CELSR1: variants seen among roughly 807,000 people sequenced by gnomAD.
The protein encoded by CELSR1 is adhesion G protein-coupled receptor C1.
Under a neutral mutation model 249.1 loss-of-function variants are expected in CELSR1, and 110 were observed. The observed-to-expected ratio is 0.44, with a 90% CI of 0.38 to 0.52. The LOEUF (loss-of-function observed/expected upper bound fraction) is 0.52, where lower values mean the gene tolerates loss of function less well. Among genes scored for constraint, CELSR1 ranks in the 20% least tolerant of loss-of-function variants. The pLI is 0.00. For missense variants in CELSR1, 4,109 were observed against 4,296.4 expected (o/e 0.96, Z 1.22); for synonymous variants, 2,113 against 1,900.0 (o/e 1.11, Z -2.92).
chr22:46,533,267 C>G (rs765638521), intron 1 of CELSR1, among the ~76,000 whole-genome samples: 6 of 152,146 alleles, frequency 3.9e-5, no homozygotes, highest in Admixed American at 6.5e-5. Flanking sequence ...GGCTGGCTGA[C>G]GAAAGAGCAT....
chr22:46,450,438 T>C (rs1034121225), intron 2 of CELSR1, among the ~76,000 whole-genome samples: 2 of 152,230 alleles, frequency 1.3e-5, no homozygotes, highest in African/African-American at 2.4e-5. Context: ...ACATGAGCAC[T>C]TTCACAGCAA....
At chr22:46,495,675 G>A (rs1200701330) in intron 1 of CELSR1, among the ~76,000 whole-genome samples, 1 of 151,824 alleles carries the variant, frequency 6.6e-6, no homozygotes, top group Non-Finnish European at 1.5e-5. Context: ...GTTTAGCCAG[G>A]CATGGTGGTG....
Position 46,535,576 on chromosome 22 carries a change from A to G in CELSR1, c.1595T>C (p.Leu532Pro), listed in dbSNP as rs1439286436. 1 of 1,613,456 alleles carries G rather than the reference A, an allele frequency of 6.2e-7. No individual in the cohort carries two copies. Among genetic ancestry groups the G allele is most frequent in the Non-Finnish European group, 8.5e-7 (1 of 1,180,030 alleles). The change falls in exon 1 of 35, where the codon CTG becomes CCG. Residue 532 changes from leucine (L) to proline (P), a missense_variant. Around this residue, in one of 7 missense-constraint regions of CELSR1, gnomAD observed 135 missense variants for 190.0 expected, o/e 0.71. Transcript: ENST00000674500. ...GCCCCCATCCTGGGCCTTAATGCTC[A>G]GCGAGTATTTCTGGACATCCTCGAA... ...LDFEDVQKYS[L>P]SIKAQDGGRP...
At chr22:46,491,489 T>G in intron 1 of CELSR1, among the ~76,000 whole-genome samples, 1 of 151,972 alleles carries the variant, frequency 6.6e-6, no homozygotes. Flanking sequence ...GGTCTCATAC[T>G]CCTGACCTTG....
rs1349688582 is a variant in CELSR1 at position 46,537,239 on chromosome 22, C to G, written c.-69G>C. 11 of 1,011,948 alleles carry G rather than the reference C, an allele frequency of 1.1e-5. 1 individual carries two copies. The African/African-American group carries it at 1.9e-4, about 18-fold the overall frequency. 62.7% of individuals were successfully genotyped at this position (1,011,948 alleles called of 1,614,324 possible). A position where few individuals can be genotyped will look rare whatever the true frequency, so the allele number is the denominator to read the frequency against. ...TGCACCCGGCGCGCCTCCGCATCCA[C>G]CCGGCGAGGCCGGGGAGCGGCTCCC... On this transcript the variant is annotated 5_prime_UTR_variant, in exon 1 of 35. Coordinates refer to ENST00000674500, the MANE Select transcript of CELSR1 (RefSeq NM_001378328.1). The surrounding 1 kb of genome is among the most constrained non-coding windows in gnomAD (Gnocchi z 5.8).
intron 1 of CELSR1, among the ~76,000 whole-genome samples, chr22:46,523,465 T>G: frequency 6.6e-6 from 1 of 151,612 alleles, no homozygotes; most frequent in East Asian, 1.9e-4. Flanking sequence ...GAGGCGGAGG[T>G]TGCAGTGGGC....
chr22:46,492,239 G>C (rs183082740), intron 1 of CELSR1, among the ~76,000 whole-genome samples: 4 of 152,208 alleles, frequency 2.6e-5, no homozygotes, highest in African/African-American at 4.8e-5. Flanking sequence ...CACGTTCACA[G>C]GCTAGTCTCA....
intron 5 of CELSR1, among the ~76,000 whole-genome samples, chr22:46,416,777 G>C (rs2079407396): frequency 6.6e-6 from 1 of 152,148 alleles, no homozygotes; most frequent in Non-Finnish European, 1.5e-5. Flanking sequence ...TTTCTTCCCT[G>C]CGTGCAGGCC....
chr22:46,498,958 C>T (rs1449710194), intron 1 of CELSR1, among the ~76,000 whole-genome samples: 2 of 151,846 alleles, frequency 1.3e-5, no homozygotes, highest in East Asian at 1.9e-4. Flanking sequence ...GGCAGGTGGA[C>T]TACCTGAGGT....
Position 46,468,484 on chromosome 22 carries a change from G to C in CELSR1, c.3545-4139C>G, listed in dbSNP as rs1343823050. On this transcript the variant is annotated intron_variant, in intron 1 of 34. Coordinates refer to ENST00000674500, the MANE Select transcript of CELSR1 (RefSeq NM_001378328.1). This position sits in a 1 kb window ranked among gnomAD's most constrained non-coding sequence, Gnocchi z 4.5. ...ACACGCTACAACATGGATGTACCTT[G>C]AGGACGTGATGCTCACTGCAATAAG... is the stretch of plus-strand genomic sequence containing the variant. 6.6e-6 allele frequency among the ~76,000 whole-genome samples: 1 copy of C among 152,114 alleles called. No homozygotes were observed. The highest frequency in any genetic ancestry group is 2.4e-5 in the African/African-American group (1 of 41,416).
chr22:46,531,616 T>C (rs2080793008), intron 1 of CELSR1, among the ~76,000 whole-genome samples: 1 of 152,162 alleles, frequency 6.6e-6, no homozygotes, highest in Non-Finnish European at 1.5e-5. Flanking sequence ...GCGGGCTGCT[T>C]TCTGCGGATC....
rs372640354 is a variant in CELSR1, at chr22:46,391,785, G to A, written c.5996C>T (p.Thr1999Ile). The A allele has an allele frequency of 3.1e-6, 5 of 1,612,498 alleles. No homozygotes were observed. The highest frequency in any genetic ancestry group is 1.7e-5 in the Admixed American group (1 of 59,850). ...ENYYKLLAQD[T>I]CLPCDCFPHG... is the part of the protein sequence containing the mutation. ...GGGGAAGCAGTCGCAGGGCAGACAG[G>A]TGTCCTGGGCTAGGAGCTTGTAGTA... The change falls in exon 15 of 35, where the codon ACC becomes ATC. Residue 1999 changes from threonine (T) to isoleucine (I), a missense_variant. This residue lies in a region of CELSR1 where 1,805 missense variants were observed against 1,831.6 expected (regional missense o/e 0.99). Coordinates refer to ENST00000674500, the MANE Select transcript of CELSR1 (RefSeq NM_001378328.1). The surrounding 1 kb of genome is among the most constrained non-coding windows in gnomAD (Gnocchi z 4.3).
chr22:46,496,543 G>C (rs2080415607), intron 1 of CELSR1, among the ~76,000 whole-genome samples: 1 of 152,154 alleles, frequency 6.6e-6, no homozygotes. Flanking sequence ...ACTCCCGCCT[G>C]GGTAACTGAG....
rs999901578 is a variant in CELSR1 at position 46,391,400 on chromosome 22, A to T, written c.6149-113T>A. On this transcript the variant is annotated intron_variant, in intron 15 of 34. Transcript: ENST00000674500. The surrounding 1 kb of genome is among the most constrained non-coding windows in gnomAD (Gnocchi z 4.3). ...GCAGGAGGCCCTGCTCCCACCAAGA[A>T]CCGAACCCTAGCATCTCCCCTGCCC... 1 of 1,001,314 alleles carries T rather than the reference A, an allele frequency of 1.0e-6. No individual in the cohort carries two copies. The highest frequency in any genetic ancestry group is 1.6e-5 in the African/African-American group (1 of 61,432). The allele number at this position is 1,001,314 out of a possible 1,614,324, so 62.0% of individuals were successfully genotyped here.
At chr22:46,487,289 A>G (rs1423808645) in intron 1 of CELSR1, among the ~76,000 whole-genome samples, 1 of 151,994 alleles carries the variant, frequency 6.6e-6, no homozygotes, top group East Asian at 1.9e-4. Context: ...GATGTCTGCA[A>G]TTCATTCATA....
intron 29 of CELSR1, 122 bp downstream of exon 29, chr22:46,366,865 GCGGCTC>G: frequency 7.5e-7 from 1 of 1,326,662 alleles, no homozygotes; most frequent in Non-Finnish European, 1.0e-6. Flanking sequence ...TGCACCGCGG[GCGGCTC>G]TGCCATCCCC....
rs1035968077 is a variant in CELSR1, at chr22:46,380,735, G to A, written c.7256+53C>T. On this transcript the variant is annotated intron_variant, in intron 22 of 34. Coordinates refer to ENST00000674500, the MANE Select transcript of CELSR1 (RefSeq NM_001378328.1). The surrounding 1 kb of genome is among the most constrained non-coding windows in gnomAD (Gnocchi z 5.1). ...TGCCACTGAGCCCCCGACCCTGCGG[G>A]GGCACTCTGCCTTGGCAAAGCCCTC... 1 of 1,590,212 alleles carries A rather than the reference G, an allele frequency of 6.3e-7. No individual in the cohort carries two copies. The highest frequency in any genetic ancestry group is 1.3e-5 in the African/African-American group (1 of 74,598).
chr22:46,400,062 G>A, intron 9 of CELSR1, 160 bp from the exon 10 acceptor site: 2 of 701,414 alleles, frequency 2.9e-6, no homozygotes, highest in Non-Finnish European at 4.7e-6. Flanking sequence ...AGGTGCGGTG[G>A]CTCAGGCCTG....
intron 19 of CELSR1, among the ~76,000 whole-genome samples, chr22:46,385,255 G>T (rs563672965): frequency 1.3e-5 from 2 of 152,272 alleles, no homozygotes; most frequent in Admixed American, 1.3e-4. Flanking sequence ...ACCACACCTG[G>T]CTAATTTTTA....
Sources: allele counts gnomAD v4.1 joint callset (sites outside exome capture counted in the v4.1 genomes callset), GRCh38; gene constraint gnomAD v4.1.1; regional missense constraint gnomAD v4.1.1; non-coding constraint Gnocchi (gnomAD v3.1); transcripts MANE v1.5; gene names NCBI Gene and HGNC (gene_info 2026-07-23, HGNC 2026-07-21).